SMAD2: variants seen among roughly 807,000 people sequenced by gnomAD.
The protein encoded by SMAD2 is MAD homolog 2.
A neutral mutation model predicts 64.4 loss-of-function variants in SMAD2; 8 were observed. The ratio of observed to expected loss-of-function variants is 0.12; its 90% CI spans 0.07 to 0.22. The LOEUF is 0.22. Among genes scored for constraint, SMAD2 ranks in the 10% least tolerant of loss-of-function variants. The pLI is 1.00. For missense variants in SMAD2, 289 were observed against 561.2 expected, an observed-to-expected ratio of 0.51 and a Z score of 4.90; for synonymous variants, 203 against 195.8, an observed-to-expected ratio of 1.04 and a Z score of -0.31.
rs543662855 is a variant in SMAD2 at position 47,837,028 on chromosome 18, G to A, written c.*4799C>T. The A allele has an allele frequency of 6.2e-5, 13 of 210,768 alleles. No individual in the cohort carries two copies. Among genetic ancestry groups the A allele is most frequent in the African/African-American group, 2.5e-4 (11 of 44,188 alleles). The allele number at this position is 210,768 out of a possible 1,614,324, so 13.1% of individuals were successfully genotyped here. On this transcript the variant is annotated 3_prime_UTR_variant, in exon 11 of 11. Transcript: ENST00000262160. The stretch of plus-strand genomic sequence containing the variant: ...TGCCCCAAGATGGAAATCTGGTATC[G>A]TAGGGAAAACATTGGCTGCAACTGT...
chr18:47,869,545 C>G, intron 3 of SMAD2, 109 bp from the exon 4 acceptor site: 4 of 781,758 alleles, frequency 5.1e-6, no homozygotes, highest in Middle Eastern at 2.7e-4. Flanking sequence ...AAAAGAATGA[C>G]AGCCATTTAG....
chr18:47,844,922 G>T, intron 10 of SMAD2: 1 of 310,224 alleles, frequency 3.2e-6, no homozygotes, highest in Non-Finnish European at 6.0e-6. Context: ...AAACTGAATT[G>T]CTATGCTATT....
intron 2 of SMAD2, among the ~76,000 whole-genome samples, chr18:47,891,035 T>A (rs1470570027): frequency 2.0e-5 from 3 of 152,220 alleles, no homozygotes; most frequent in African/African-American, 7.2e-5. Flanking sequence ...CCGGGCATGG[T>A]GGCTCATGCC....
In SMAD2 at chr18:47,835,536, G is replaced by C. The variant is rs1316244604; in HGVS notation, c.*6291C>G. 5.2e-6 allele frequency: 1 copy of C among 193,244 alleles called. No homozygotes were observed. Among genetic ancestry groups the C allele is most frequent in the Non-Finnish European group, 1.1e-5 (1 of 92,552 alleles). 12.0% of individuals were successfully genotyped at this position (193,244 alleles called of 1,614,324 possible). ...TGAGAAAAGAAAAAACTTACTGGGAGAACAGAGACTTAGTAAAATTTCTAT... is the reference window on the plus strand; with the variant it reads ...TGAGAAAAGAAAAAACTTACTGGGACAACAGAGACTTAGTAAAATTTCTAT... On this transcript the variant is annotated 3_prime_UTR_variant, in exon 11 of 11. Coordinates refer to ENST00000262160, the MANE Select transcript of SMAD2 (RefSeq NM_005901.6).
intron 1 of SMAD2, chr18:47,920,180 A>G (rs1322547623): frequency 2.6e-5 from 4 of 152,160 alleles, no homozygotes; most frequent in Non-Finnish European, 5.9e-5. Flanking sequence ...CTACACATGG[A>G]GGACAGAATG....
chr18:47,852,041 A>G (rs750544277), intron 6 of SMAD2, among the ~76,000 whole-genome samples: 11 of 152,202 alleles, frequency 7.2e-5, no homozygotes, highest in Non-Finnish European at 1.5e-4. Flanking sequence ...TTGCTTCTAG[A>G]TGAAAACATG....
chr18:47,848,846 T>C (rs9945835), intron 7 of SMAD2, among the ~76,000 whole-genome samples, 159 bp from the exon 8 acceptor site: 3 of 152,234 alleles, frequency 2.0e-5, no homozygotes, highest in Non-Finnish European at 2.9e-5. Flanking sequence ...TTTCCACAGA[T>C]GATACCAGAT....
At position 47,874,616 on chromosome 18, in the gene SMAD2, G is replaced by C. The variant is rs552373034; in HGVS notation, c.237-4052C>G. ...AAAAAGTCCCAACAAAAAATTCATA[G>C]AACAATTTAGCATATGATGAAGGCA... On this transcript the variant is annotated intron_variant, in intron 2 of 10. Coordinates refer to ENST00000262160, the MANE Select transcript of SMAD2 (RefSeq NM_005901.6). Among the ~76,000 whole-genome samples the C allele has an allele frequency of 5.8e-4, 88 of 152,190 alleles. 1 individual carries two copies. Among genetic ancestry groups the C allele is most frequent in the African/African-American group, 2.0e-3 (83 of 41,520 alleles).
chr18:47,871,794 A>T (rs929980411), intron 2 of SMAD2, among the ~76,000 whole-genome samples: 4 of 152,200 alleles, frequency 2.6e-5, no homozygotes, highest in Admixed American at 6.5e-5. Context: ...TTAATGGTTT[A>T]TTTAAAAGAT....
Position 47,823,861 on chromosome 18 carries a change from T to C in SMAD2, c.*17966A>G, listed in dbSNP as rs1912656837. On this transcript the variant is annotated 3_prime_UTR_variant, in exon 11 of 11. Transcript: ENST00000262160. Reference sequence around the variant, plus strand: ...TGTATCTGTTATTTGCCAAATTTTCTGCAGAAAGAAGTACAATTCCTAACA... The same window carrying C: ...TGTATCTGTTATTTGCCAAATTTTCCGCAGAAAGAAGTACAATTCCTAACA... The C allele has an allele frequency of 1.3e-5, 2 of 152,216 alleles. No homozygotes were observed. Among genetic ancestry groups the C allele is most frequent in the African/African-American group, 4.8e-5 (2 of 41,446 alleles). The allele number at this position is 152,216 out of a possible 1,614,324, so 9.4% of individuals were successfully genotyped here.
chr18:47,912,738 T>G (rs928850587), intron 1 of SMAD2, among the ~76,000 whole-genome samples: 9 of 151,554 alleles, frequency 5.9e-5, no homozygotes, highest in African/African-American at 2.2e-4. Flanking sequence ...TGTGAAAAAC[T>G]GATAGAAAAA....
rs1445508155 is a variant in SMAD2, at chr18:47,814,638, C to T, written c.*27189G>A. 4 of 152,194 alleles carry T rather than the reference C, an allele frequency of 2.6e-5. No individual in the cohort carries two copies. Among genetic ancestry groups the T allele is most frequent in the Non-Finnish European group, 5.9e-5 (4 of 68,044 alleles). 9.4% of individuals were successfully genotyped at this position (152,194 alleles called of 1,614,324 possible). ...GCAGCAGGGTTAGTCAACTACTTTC[C>T]TGGCATAGCCTGGGGAAGACTGCAA... On this transcript the variant is annotated 3_prime_UTR_variant, in exon 11 of 11. Coordinates refer to ENST00000262160, the MANE Select transcript of SMAD2 (RefSeq NM_005901.6).
chr18:47,876,657 T>C (rs544734033), intron 2 of SMAD2, among the ~76,000 whole-genome samples: 2 of 152,226 alleles, frequency 1.3e-5, no homozygotes, highest in Admixed American at 6.5e-5. Context: ...ATAAACCTAA[T>C]AGAAATCCTT....
intron 6 of SMAD2, among the ~76,000 whole-genome samples, chr18:47,854,270 T>C (rs1188216398): frequency 1.3e-5 from 2 of 152,198 alleles, no homozygotes; most frequent in African/African-American, 4.8e-5. Flanking sequence ...CAGAAATCCC[T>C]GTGCATGTAT....
rs1912527398 is a variant in SMAD2, at chr18:47,820,393, G to A, written c.*21434C>T. 6.6e-6 allele frequency: 1 copy of A among 152,084 alleles called. No individual in the cohort carries two copies. 9.4% of individuals were successfully genotyped at this position (152,084 alleles called of 1,614,324 possible). ...AAAAAAAGATGTTTTGATGAGAAAAGTTATAAGGCATAAAAATTGCTTTTT... is the reference window on the plus strand; with the variant it reads ...AAAAAAAGATGTTTTGATGAGAAAAATTATAAGGCATAAAAATTGCTTTTT... On this transcript the variant is annotated 3_prime_UTR_variant, in exon 11 of 11. Coordinates refer to ENST00000262160, the MANE Select transcript of SMAD2 (RefSeq NM_005901.6).
intron 2 of SMAD2, among the ~76,000 whole-genome samples, chr18:47,876,826 A>C (rs1485439859): frequency 2.6e-5 from 4 of 152,080 alleles, no homozygotes; most frequent in African/African-American, 9.7e-5. Flanking sequence ...ATATATACAC[A>C]TCTAAATTAA....
Position 47,840,130 on chromosome 18 carries a change from A to T in SMAD2, c.*1697T>A, listed in dbSNP as rs1913800799. The T allele has an allele frequency of 4.3e-6, 1 of 233,104 alleles. No individual in the cohort carries two copies. The highest frequency in any genetic ancestry group is 1.8e-4 in the South Asian group (1 of 5,532). The allele number at this position is 233,104 out of a possible 1,614,324, so 14.4% of individuals were successfully genotyped here. A position where few individuals can be genotyped will look rare whatever the true frequency, so the allele number is the denominator to read the frequency against. On this transcript the variant is annotated 3_prime_UTR_variant, in exon 11 of 11. Coordinates refer to ENST00000262160, the MANE Select transcript of SMAD2 (RefSeq NM_005901.6). Reference sequence around the variant, plus strand: ...ATACCAAATTTACATGAACACATACATATACACACAAATATAGGAAAATGG... The same window carrying T: ...ATACCAAATTTACATGAACACATACTTATACACACAAATATAGGAAAATGG...
At chr18:47,850,324 T>A (rs1303681575) in intron 7 of SMAD2, among the ~76,000 whole-genome samples, 2 of 44,958 alleles carry the variant, frequency 4.4e-5, no homozygotes, top group African/African-American at 9.9e-5. Flanking sequence ...ATATACATAT[T>A]ATGTATAATA....
At chr18:47,899,285 C>T (rs17741998) in intron 1 of SMAD2, among the ~76,000 whole-genome samples, 2 of 151,790 alleles carry the variant, frequency 1.3e-5, no homozygotes, top group African/African-American at 2.4e-5. Flanking sequence ...GAAGGAGGTG[C>T]CCGATAAGCA....
Sources: allele counts gnomAD v4.1 joint callset (sites outside exome capture counted in the v4.1 genomes callset), GRCh38; gene constraint gnomAD v4.1.1; transcripts MANE v1.5; gene names NCBI Gene and HGNC (gene_info 2026-07-23, HGNC 2026-07-21).